The following LINGO1 variants were observed in gnomAD, a reference collection of about 807,000 sequenced individuals.
LINGO1 encodes the protein leucine-rich repeat and immunoglobulin-like domain-containing nogo receptor-interacting protein 1.
Under a neutral mutation model 37.3 loss-of-function variants are expected in LINGO1, and 11 were observed. The ratio of observed to expected loss-of-function variants is 0.29; its 90% CI spans 0.19 to 0.49. The LOEUF is 0.49. Among genes scored for constraint, LINGO1 ranks in the 20% least tolerant of loss-of-function variants. The pLI is 0.99. For synonymous variants in LINGO1, 387 were observed against 403.0 expected, an observed-to-expected ratio of 0.96 and a Z score of 0.48; for missense variants, 585 against 878.2, an observed-to-expected ratio of 0.67 and a Z score of 4.22.
rs1567472290 is a variant in LINGO1 at position 77,632,495 on chromosome 15, G to A, written c.-180C>T. 2 of 525,542 alleles carry A rather than the reference G, an allele frequency of 3.8e-6. No individual in the cohort carries two copies. The highest frequency in any genetic ancestry group is 5.6e-6 in the Non-Finnish European group (2 of 356,710). The allele number at this position is 525,542 out of a possible 1,614,324, so 32.6% of individuals were successfully genotyped here. ...GTCCGTCTGTCCGCCCCGCGCGGGC[G>A]GGAGCCGAGCCGGAGCCGGGGCCGG... On this transcript the variant is annotated 5_prime_UTR_variant, in exon 1 of 2. Transcript: ENST00000355300. This position sits in a 1 kb window ranked among gnomAD's most constrained non-coding sequence, Gnocchi z 6.0.
At chr15:77,757,298 A>T (rs8028987) in intron 1 of LINGO1, among the ~76,000 whole-genome samples, 34,109 of 152,198 alleles carry the variant, frequency 0.22, 6,990 homozygotes, top group African/African-American at 0.55. Context: ...CAGGACAGAG[A>T]ATCTGAGCCC....
At chr15:77,630,735 G>T (rs2074230471) in intron 1 of LINGO1, among the ~76,000 whole-genome samples, 1 of 152,182 alleles carries the variant, frequency 6.6e-6, no homozygotes, top group Non-Finnish European at 1.5e-5. Flanking sequence ...GGGTGAGGAG[G>T]GGGGCAGAGA....
intron 2 of LINGO1, among the ~76,000 whole-genome samples, chr15:77,728,869 T>C (rs1399543224): frequency 6.6e-6 from 1 of 152,254 alleles, no homozygotes; most frequent in Non-Finnish European, 1.5e-5. Flanking sequence ...TATTTGTAAA[T>C]TGCTTAGCAC....
At chr15:77,701,636 G>A (rs748064064) in intron 2 of LINGO1, among the ~76,000 whole-genome samples, 1 of 152,108 alleles carries the variant, frequency 6.6e-6, no homozygotes, top group Non-Finnish European at 1.5e-5. Context: ...GCCCTCTAAC[G>A]AGTAACAAGT....
At chr15:77,682,117 C>T (rs901036175) in intron 2 of LINGO1, among the ~76,000 whole-genome samples, 3 of 152,090 alleles carry the variant, frequency 2.0e-5, no homozygotes, top group Admixed American at 1.3e-4. Flanking sequence ...AGCTCCTCCT[C>T]GATGCCATTG....
At chr15:77,684,565 T>C (rs2075471309) in intron 2 of LINGO1, among the ~76,000 whole-genome samples, 1 of 152,156 alleles carries the variant, frequency 6.6e-6, no homozygotes, top group Non-Finnish European at 1.5e-5. Context: ...CTGGGCACGG[T>C]GGAGGGTGCA....
At chr15:77,647,717 C>A in intron 3 of LINGO1, 1 of 386,726 alleles carries the variant, frequency 2.6e-6, no homozygotes. Context: ...TTGCACACCT[C>A]TGTGCTCCCC....
At chr15:77,651,059 C>T (rs1054969476) in intron 3 of LINGO1, among the ~76,000 whole-genome samples, 7 of 151,792 alleles carry the variant, frequency 4.6e-5, no homozygotes, top group Non-Finnish European at 7.4e-5. Flanking sequence ...AAAATCCTGA[C>T]GGGAAAAAAA....
At chr15:77,785,509 T>C (rs2090167968) in intron 1 of LINGO1, among the ~76,000 whole-genome samples, 1 of 151,954 alleles carries the variant, frequency 6.6e-6, no homozygotes. Flanking sequence ...CGTGGCTGCA[T>C]GTTTGCTGTC....
At position 77,799,366 on chromosome 15, in the gene LINGO1, T is replaced by C. The variant is rs2141459788; in HGVS notation, c.-457-3313A>G. Among the ~76,000 whole-genome samples the C allele has an allele frequency of 2.6e-5, 4 of 152,256 alleles. 1 individual carries two copies. In the South Asian group the frequency reaches 8.3e-4, roughly 32 times the overall value. ...TTTTAGGTTATGCACTTCTGAGCCA[T>C]GCTTCTAAGAGACCTCTGAGTTTCC... is the stretch of plus-strand genomic sequence containing the variant. On this transcript the variant is annotated intron_variant, in intron 1 of 5. Transcript: ENST00000562933.
chr15:77,687,319 C>G (rs2075528636), intron 2 of LINGO1, among the ~76,000 whole-genome samples: 1 of 152,202 alleles, frequency 6.6e-6, no homozygotes, highest in African/African-American at 2.4e-5. Context: ...TGTCCAGGAC[C>G]AGGGTTTAGT....
chr15:77,692,091 T>C (rs929133618), intron 1 of LINGO1, among the ~76,000 whole-genome samples: 18 of 152,254 alleles, frequency 1.2e-4, no homozygotes, highest in Non-Finnish European at 1.6e-4. Context: ...CTTTGTGCCA[T>C]GATGGCAGCA....
intron 3 of LINGO1, among the ~76,000 whole-genome samples, chr15:77,657,515 T>A (rs796091402): frequency 1.3e-5 from 2 of 152,054 alleles, no homozygotes; most frequent in South Asian, 4.1e-4. Context: ...CCCCAGACAT[T>A]CCCATGACTA....
intron 3 of LINGO1, among the ~76,000 whole-genome samples, chr15:77,664,170 T>TGTGTGTGTGTGCGCGCGCGC: frequency 3.5e-4 from 46 of 130,996 alleles, no homozygotes; most frequent in African/African-American, 1.4e-3. Flanking sequence ...TGTGTGTGTG[T>TGTGTGTGTGTGCGCGCGCGC]GCGCGCGCGC....
chr15:77,750,029 TG>T (rs956868219), intron 1 of LINGO1, among the ~76,000 whole-genome samples: 8 of 152,062 alleles, frequency 5.3e-5, no homozygotes, highest in African/African-American at 1.9e-4. Flanking sequence ...GATTTGAACC[TG>T]GGTCTGCCTG....
chr15:77,619,555 G>A (rs1044121635), intron 1 of LINGO1, among the ~76,000 whole-genome samples: 5 of 151,986 alleles, frequency 3.3e-5, no homozygotes, highest in African/African-American at 4.8e-5. Flanking sequence ...GCATGGTGGG[G>A]TGCACCTATA....
chr15:77,673,291 A>G (rs1317837373), intron 3 of LINGO1, among the ~76,000 whole-genome samples: 1 of 152,162 alleles, frequency 6.6e-6, no homozygotes, highest in Non-Finnish European at 1.5e-5. Context: ...TACATCCCAT[A>G]AACTTAAATG....
chr15:77,800,130 C>G (rs942567803), intron 1 of LINGO1, among the ~76,000 whole-genome samples: 1 of 152,318 alleles, frequency 6.6e-6, no homozygotes, highest in African/African-American at 2.4e-5. Flanking sequence ...AGAGCCCTCC[C>G]TTGGGCTCTG....
intron 1 of LINGO1, among the ~76,000 whole-genome samples, chr15:77,738,217 C>T (rs1253954675): frequency 3.3e-5 from 5 of 152,134 alleles, no homozygotes; most frequent in African/African-American, 7.2e-5. Context: ...ACAGCCTCCT[C>T]CCTCACTCAG....
Sources: gnomAD v4.1 joint callset for allele counts (sites outside exome capture counted in the v4.1 genomes callset) on GRCh38, gnomAD v4.1.1 for gene constraint, Gnocchi (gnomAD v3.1) non-coding constraint, MANE v1.5 for transcripts, NCBI Gene and HGNC (gene_info 2026-07-23, HGNC 2026-07-21) for gene names.